The following MYO5B variants were observed in gnomAD, a reference collection of about 807,000 sequenced individuals.
MYO5B encodes unconventional myosin-Vb.
Under a neutral mutation model 229.3 loss-of-function variants are expected in MYO5B, and 143 were observed. That is an observed-to-expected ratio of 0.62 (90% confidence interval 0.54 to 0.72). MYO5B has a LOEUF of 0.72. MYO5B is among the 30% of genes least tolerant of loss of function. The pLI, the probability that MYO5B is intolerant of heterozygous loss-of-function variation, is 0.00. For missense variants in MYO5B, 2,321 were observed against 2,331.0 expected, an observed-to-expected ratio of 1.00 and a Z score of 0.09; for synonymous variants, 918 against 885.2, an observed-to-expected ratio of 1.04 and a Z score of -0.66.
chr18:49,861,995 G>GTTTT (rs978135894), intron 29 of MYO5B, among the ~76,000 whole-genome samples: 21 of 131,116 alleles, frequency 1.6e-4, no homozygotes, highest in African/African-American at 5.9e-4. Flanking sequence ...CCAGCTCCAT[G>GTTTT]TTTTTTTTTT....
chr18:50,020,752 TG>T (rs2026265079), intron 4 of MYO5B, among the ~76,000 whole-genome samples: 1 of 152,218 alleles, frequency 6.6e-6, no homozygotes. Context: ...AAGTCACATT[TG>T]AGAGGTGTGG....
intron 9 of MYO5B, among the ~76,000 whole-genome samples, chr18:49,978,434 G>C (rs2025777068): frequency 6.6e-6 from 1 of 152,016 alleles, no homozygotes; most frequent in African/African-American, 2.4e-5. Flanking sequence ...AATGCAGGTA[G>C]GTGTCCACGG....
chr18:49,854,729 C>T (rs765495028), intron 30 of MYO5B, among the ~76,000 whole-genome samples: 11 of 152,204 alleles, frequency 7.2e-5, no homozygotes, highest in Middle Eastern at 3.4e-3. Flanking sequence ...TGTTGGAGGC[C>T]GTGGCTGCCC....
At chr18:49,972,393 G>C (rs537872710) in intron 10 of MYO5B, among the ~76,000 whole-genome samples, 25 of 152,318 alleles carry the variant, frequency 1.6e-4, no homozygotes, top group Non-Finnish European at 2.6e-4. Context: ...GAAGATCACA[G>C]GGAAGGAGAA....
In MYO5B at chr18:49,937,433, A is replaced by G. The variant is rs776757149; in HGVS notation, c.1753-36T>C. On this transcript the variant is annotated intron_variant, in intron 14 of 39. Transcript: ENST00000285039. ...TCACAGGAAGAATGATGAAAGTGAC[A>G]TCTCCTGCACCTTACATGTTTCCTC... 6.2e-6 allele frequency: 10 copies of G among 1,608,866 alleles called. No homozygotes were observed. The East Asian group carries it at 2.2e-4, about 36-fold the overall frequency.
intron 33 of MYO5B, among the ~76,000 whole-genome samples, chr18:49,845,678 G>C (rs1295420555): frequency 6.6e-6 from 1 of 152,142 alleles, no homozygotes; most frequent in Non-Finnish European, 1.5e-5. Flanking sequence ...CAGAGGATCA[G>C]ACCACCAAAG....
intron 18 of MYO5B, among the ~76,000 whole-genome samples, chr18:49,911,611 G>A (rs948802039): frequency 3.3e-5 from 5 of 152,184 alleles, no homozygotes; most frequent in Non-Finnish European, 7.3e-5. Flanking sequence ...TCAAGCTTTT[G>A]TTAACTAATC....
chr18:50,030,229 A>T (rs73444760), intron 4 of MYO5B, among the ~76,000 whole-genome samples: 1,603 of 152,254 alleles, frequency 0.011, 31 homozygotes, highest in African/African-American at 0.037. Flanking sequence ...TGTCAATTCT[A>T]TTTTTAATTG....
chr18:49,830,219 AC>A (rs1450868575), intron 39 of MYO5B, among the ~76,000 whole-genome samples: 65 of 152,230 alleles, frequency 4.3e-4, no homozygotes, highest in African/African-American at 1.4e-3. Flanking sequence ...ATAAAAAAAA[AC>A]ACATAAAAAT....
Position 49,941,308 on chromosome 18 carries a change from C to T in MYO5B, c.1753-3911G>A, listed in dbSNP as rs143593330. On this transcript the variant is annotated intron_variant, in intron 14 of 39. Transcript: ENST00000285039. The stretch of plus-strand genomic sequence containing the variant: ...AAAGCACCAACCAATGATCTTAAGG[C>T]CATCTCTGGTGAGCAGCCCAAGCCC... 5.9e-5 allele frequency among the ~76,000 whole-genome samples: 9 copies of T among 152,322 alleles called. No individual in the cohort carries two copies. In the East Asian group the frequency reaches 1.4e-3, roughly 23 times the overall value.
At chr18:50,105,248 T>TAAAA (rs142685025) in intron 1 of MYO5B, among the ~76,000 whole-genome samples, 10 of 131,596 alleles carry the variant, frequency 7.6e-5, no homozygotes, top group Admixed American at 1.6e-4. Flanking sequence ...AATAAATAAA[T>TAAAA]AAAAAATAGA....
At chr18:50,151,260 C>A (rs1230423039) in intron 1 of MYO5B, among the ~76,000 whole-genome samples, 1 of 152,160 alleles carries the variant, frequency 6.6e-6, no homozygotes, top group Non-Finnish European at 1.5e-5. Context: ...GTCTGAAATT[C>A]CAAGGATAAA....
chr18:49,942,691 C>G (rs1342199318), intron 14 of MYO5B, among the ~76,000 whole-genome samples: 1 of 151,096 alleles, frequency 6.6e-6, no homozygotes, highest in East Asian at 1.9e-4. Flanking sequence ...GTTAGAATGG[C>G]GATCATTAAA....
intron 21 of MYO5B, among the ~76,000 whole-genome samples, chr18:49,899,924 TTTA>T (rs1208233953): frequency 2.2e-5 from 2 of 92,442 alleles, no homozygotes; most frequent in East Asian, 2.7e-4. Flanking sequence ...AAAAGCTTTT[TTTA>T]TTTTTTTTTT....
chr18:50,142,671 C>T (rs192574155), intron 1 of MYO5B, among the ~76,000 whole-genome samples: 9 of 152,256 alleles, frequency 5.9e-5, no homozygotes, highest in Admixed American at 1.3e-4. Flanking sequence ...CACCAAAGTT[C>T]CCCAGTCCAC....
chr18:50,185,724 G>A (rs1356255588), intron 1 of MYO5B, among the ~76,000 whole-genome samples: 1 of 152,184 alleles, frequency 6.6e-6, no homozygotes, highest in Non-Finnish European at 1.5e-5. Context: ...CATCAGCATG[G>A]GAATGGTTAA....
intron 17 of MYO5B, among the ~76,000 whole-genome samples, chr18:49,917,721 C>T (rs996311838): frequency 3.3e-5 from 5 of 152,204 alleles, no homozygotes; most frequent in Non-Finnish European, 7.3e-5. Context: ...CTAGTGACTC[C>T]AGGAATGTAA....
At chr18:49,937,784 G>A (rs968026795) in intron 14 of MYO5B, among the ~76,000 whole-genome samples, 15 of 151,724 alleles carry the variant, frequency 9.9e-5, no homozygotes, top group African/African-American at 3.2e-4. Flanking sequence ...CCAGGGAATA[G>A]AAAGTAGGTT....
chr18:50,036,933 G>C lies in MYO5B; in HGVS notation c.372C>G (p.Ile124Met), dbSNP rs1392172787. ...EQLPIYGQDV[I>M]YTYSGQNMGD... The stretch of plus-strand genomic sequence containing the variant: ...CCATGTTTTGGCCACTGTAGGTATA[G>C]ATGACATCTTGTCCATAGATTGGCA... The change falls in exon 4 of 40, where the codon ATC becomes ATG. Residue 124 changes from isoleucine (I) to methionine (M), a missense_variant. Ile to Met is a conservative substitution (Grantham distance 10). This residue lies in a region of MYO5B where 2,113 missense variants were observed against 2,044.7 expected (regional missense o/e 1.03). Transcript: ENST00000285039. 4 of 1,613,980 alleles carry C rather than the reference G, an allele frequency of 2.5e-6. No homozygotes were observed. Among genetic ancestry groups the C allele is most frequent in the African/African-American group, 2.7e-5 (2 of 74,898 alleles).
Sources: gnomAD v4.1 joint callset for allele counts (sites outside exome capture counted in the v4.1 genomes callset) on GRCh38, gnomAD v4.1.1 for gene constraint, gnomAD v4.1.1 regional missense constraint, MANE v1.5 for transcripts, NCBI Gene and HGNC (gene_info 2026-07-23, HGNC 2026-07-21) for gene names.